Variants in CATSPERE observed in about 807,000 individuals in gnomAD.
CATSPERE encodes the protein cation channel sperm-associated auxiliary subunit epsilon.
A neutral mutation model predicts 114.1 loss-of-function variants in CATSPERE; 93 were observed. The ratio of observed to expected loss-of-function variants is 0.81; its 90% CI spans 0.69 to 0.97. CATSPERE has a LOEUF of 0.97. Ranked by LOEUF, CATSPERE falls within the 50% of genes least tolerant of loss-of-function variation. The pLI is 0.00. For synonymous variants in CATSPERE, 341 were observed against 384.1 expected, an observed-to-expected ratio of 0.89 and a Z score of 1.31; for missense variants, 1,058 against 1,131.6, an observed-to-expected ratio of 0.93 and a Z score of 0.93.
intron 19 of CATSPERE, 126 bp from the exon 20 acceptor site, chr1:244,617,403 C>A: frequency 1.5e-6 from 1 of 688,380 alleles, no homozygotes; most frequent in Non-Finnish European, 2.3e-6. Context: ...AAGAGCACTG[C>A]AGGGGTAAAA....
chr1:244,543,095 A>C (rs1659126901), intron 8 of CATSPERE, among the ~76,000 whole-genome samples: 1 of 152,184 alleles, frequency 6.6e-6, no homozygotes, highest in African/African-American at 2.4e-5. Flanking sequence ...CCAGCAATCC[A>C]CTACAGCTAC....
At chr1:244,601,928 T>A (rs1669291491) in intron 17 of CATSPERE, among the ~76,000 whole-genome samples, 1 of 151,172 alleles carries the variant, frequency 6.6e-6, no homozygotes. Context: ...CACTCTAGCC[T>A]GGGCAACAGA....
intron 4 of CATSPERE, among the ~76,000 whole-genome samples, chr1:244,478,368 A>C (rs1176425907): frequency 1.3e-5 from 2 of 152,240 alleles, no homozygotes; most frequent in African/African-American, 4.8e-5. Flanking sequence ...ACTGAAGAAA[A>C]CATGAGAATG....
At chr1:244,452,595 AGAG>A (rs1486606526), upstream of CATSPERE, among the ~76,000 whole-genome samples, 1 of 152,248 alleles carries the variant, frequency 6.6e-6, no homozygotes, top group African/African-American at 2.4e-5. Context: ...AAAGGCTCAG[AGAG>A]GAGGAGTGGA....
At chr1:244,525,727 G>A (rs3005928) in intron 8 of CATSPERE, among the ~76,000 whole-genome samples, 45,696 of 151,922 alleles carry the variant, frequency 0.3, 8,724 homozygotes, top group African/African-American at 0.55. Flanking sequence ...AATAATATTC[G>A]TAGCAGCATT....
intron 8 of CATSPERE, among the ~76,000 whole-genome samples, chr1:244,551,136 C>G: frequency 6.6e-6 from 1 of 152,200 alleles, no homozygotes; most frequent in Non-Finnish European, 1.5e-5. Context: ...ACCTGTTATT[C>G]ATCAGGTGTG....
intron 20 of CATSPERE, among the ~76,000 whole-genome samples, chr1:244,624,516 C>T (rs1333715154): frequency 2.0e-5 from 3 of 151,994 alleles, no homozygotes; most frequent in Non-Finnish European, 4.4e-5. Flanking sequence ...CTCAAGAAAG[C>T]AACGCTGGGT....
intron 6 of CATSPERE, among the ~76,000 whole-genome samples, chr1:244,496,050 A>G (rs963444876): frequency 1.3e-5 from 2 of 152,236 alleles, no homozygotes; most frequent in Non-Finnish European, 2.9e-5. Flanking sequence ...GAAATCAGTA[A>G]CAAAAACAAA....
chr1:244,507,524 A>T (rs1351170402), intron 7 of CATSPERE, among the ~76,000 whole-genome samples: 1 of 152,120 alleles, frequency 6.6e-6, no homozygotes, highest in East Asian at 1.9e-4. Context: ...TGTTTGTTGC[A>T]TATGCTTTTG....
intron 18 of CATSPERE, among the ~76,000 whole-genome samples, chr1:244,608,785 T>G (rs1670340135): frequency 6.6e-6 from 1 of 152,098 alleles, no homozygotes; most frequent in Non-Finnish European, 1.5e-5. Flanking sequence ...CAATATCGAT[T>G]TCTCTGTATC....
intron 12 of CATSPERE, 112 bp from the exon 13 acceptor site, chr1:244,583,752 G>A (rs376817242): frequency 1.2e-4 from 99 of 851,758 alleles, no homozygotes; most frequent in African/African-American, 9.7e-4. Flanking sequence ...AGAAATTGGC[G>A]TGGGAGGTCA....
chr1:244,497,738 AG>A lies in CATSPERE; in HGVS notation c.352-1263del, dbSNP rs1169513766. Among the ~76,000 whole-genome samples, 4 of 152,344 alleles carry A rather than the reference AG, an allele frequency of 2.6e-5. No individual in the cohort carries two copies. The East Asian group carries it at 5.8e-4, about 22-fold the overall frequency. On this transcript the variant is annotated intron_variant, in intron 6 of 21. Transcript: ENST00000366534. ...CTTGAACCCAGGAGGTGGAGGTTGC[AG>A]TGAGGTGAGATTGCACCATTGCACT... is the stretch of plus-strand genomic sequence containing the variant.
chr1:244,524,336 T>C (rs1678143666), intron 8 of CATSPERE, among the ~76,000 whole-genome samples: 3 of 150,736 alleles, frequency 2.0e-5, no homozygotes, highest in African/African-American at 7.4e-5. Context: ...CAAAAATCAA[T>C]TCAAGATGGA....
At position 244,621,107 on chromosome 1, in the gene CATSPERE, TATA is replaced by T. The variant is rs1558609507; in HGVS notation, c.2648+3422_2648+3424del. Reference sequence around the variant, plus strand: ...TAAATATATATAAAATATATATAAATATATATATAATATATATATAAATATATA... The same window carrying T: ...TAAATATATATAAAATATATATAAATTATATAATATATATATAAATATATA... On this transcript the variant is annotated intron_variant, in intron 20 of 21. Coordinates refer to ENST00000366534, the MANE Select transcript of CATSPERE (RefSeq NM_001130957.2). Among the ~76,000 whole-genome samples the T allele has an allele frequency of 3.1e-4, 17 of 55,302 alleles. 1 individual carries two copies. The highest frequency in any genetic ancestry group is 1.1e-3 in the South Asian group (2 of 1,770). The allele number at this position is 55,302 out of a possible 152,430, so 36.3% of individuals were successfully genotyped here. A position where few individuals can be genotyped will look rare whatever the true frequency, so the allele number is the denominator to read the frequency against.
chr1:244,619,143 T>G (rs1558605448), intron 20 of CATSPERE, among the ~76,000 whole-genome samples: 2 of 152,118 alleles, frequency 1.3e-5, no homozygotes, highest in African/African-American at 4.8e-5. Flanking sequence ...AATCTGGGCC[T>G]GGAGTGGAAA....
chr1:244,538,309 A>T (rs925229241), intron 8 of CATSPERE, among the ~76,000 whole-genome samples: 11 of 152,314 alleles, frequency 7.2e-5, no homozygotes, highest in African/African-American at 2.2e-4. Context: ...GAGAAAAAAA[A>T]TTTTTTAAGG....
chr1:244,572,809 A>G lies in CATSPERE; in HGVS notation c.1950+37A>G, dbSNP rs768997596. The stretch of plus-strand genomic sequence containing the variant: ...TTTTAAATTTCTTCATTTGATTTTA[A>G]TAAGTATAAAAGTATAATATTAACA... On this transcript the variant is annotated intron_variant, in intron 11 of 21. Transcript: ENST00000366534. 2.7e-5 allele frequency: 37 copies of G among 1,366,606 alleles called. 1 individual carries two copies. The highest frequency in any genetic ancestry group is 3.3e-5 in the Non-Finnish European group (33 of 1,009,158). The allele number at this position is 1,366,606 out of a possible 1,614,324, so 84.7% of individuals were successfully genotyped here.
rs894311198 is a variant in CATSPERE, at chr1:244,573,545, C to G, written c.1950+773C>G. On this transcript the variant is annotated intron_variant, in intron 11 of 21. Coordinates refer to ENST00000366534, the MANE Select transcript of CATSPERE (RefSeq NM_001130957.2). The surrounding 1 kb of genome is among the most constrained non-coding windows in gnomAD (Gnocchi z 4.0). ...GATGTGATGTGGGCATCTGCTAATT[C>G]GTCTGCAACTACATGACCTAAGATG... Among the ~76,000 whole-genome samples the G allele has an allele frequency of 6.6e-6, 1 of 152,170 alleles. No homozygotes were observed. The highest frequency in any genetic ancestry group is 1.9e-4 in the East Asian group (1 of 5,200).
At chr1:244,604,607 C>G (rs560775125) in intron 17 of CATSPERE, among the ~76,000 whole-genome samples, 2 of 152,322 alleles carry the variant, frequency 1.3e-5, no homozygotes, top group East Asian at 3.9e-4. Flanking sequence ...GTCCCAGAGC[C>G]AGCAGCCTCG....
Sources: allele counts gnomAD v4.1 joint callset (sites outside exome capture counted in the v4.1 genomes callset), GRCh38; gene constraint gnomAD v4.1.1; non-coding constraint Gnocchi (gnomAD v3.1); transcripts MANE v1.5; gene names NCBI Gene and HGNC (gene_info 2026-07-23, HGNC 2026-07-21).